Variants in ZNF655 observed in about 807,000 individuals in gnomAD.
The protein encoded by ZNF655 is Vav-interacting Kruppel-like protein 1.
A neutral mutation model predicts 6.6 loss-of-function variants in ZNF655; 3 were observed. The observed-to-expected ratio is 0.46, with a 90% CI of 0.21 to 1.18. The LOEUF (loss-of-function observed/expected upper bound fraction) is 1.18, where lower values mean the gene tolerates loss of function less well. Ranked by LOEUF, ZNF655 falls within the 50% of genes most tolerant of loss-of-function variation. The pLI, the probability that ZNF655 is intolerant of heterozygous loss-of-function variation, is 0.24. For synonymous variants in ZNF655, 178 were observed against 195.0 expected (o/e 0.91, Z 0.73); for missense variants, 526 against 572.3 (o/e 0.92, Z 0.83).
At chr7:99,562,060 C>G (rs1193534705) in intron 2 of ZNF655, 1 of 1,250,710 alleles carries the variant, frequency 8.0e-7, no homozygotes, top group East Asian at 2.9e-5. Flanking sequence ...GTAGACCTTG[C>G]CTGGAATTTT....
chr7:99,560,569 A>T lies in ZNF655; in HGVS notation c.10A>T (p.Ile4Leu), dbSNP rs1562930834. Reference sequence around the variant, plus strand: ...GTCCTCCAGAGCAGTGATGGAGGAAATACCAGCCCAGGAAGCAGCAGGGTC... The same window carrying T: ...GTCCTCCAGAGCAGTGATGGAGGAATTACCAGCCCAGGAAGCAGCAGGGTC... MEE[I>L]PAQEAAGSPR... is the part of the protein sequence containing the mutation. The change falls in exon 2 of 3, where the codon ATA becomes TTA. Residue 4 changes from isoleucine to leucine, a missense_variant. Coordinates refer to ENST00000252713, the MANE Select transcript of ZNF655 (RefSeq NM_138494.3). 1 of 1,614,076 alleles carries T rather than the reference A, an allele frequency of 6.2e-7. No homozygotes were observed. The highest frequency in any genetic ancestry group is 1.3e-5 in the African/African-American group (1 of 75,044).
intron 2 of ZNF655, chr7:99,570,581 A>G (rs1207354251): frequency 6.6e-6 from 1 of 152,216 alleles, no homozygotes; most frequent in Non-Finnish European, 1.5e-5. Flanking sequence ...AAATTAATCA[A>G]AAGAATTGCA....
chr7:99,561,207 A>G (rs1803123276), intron 2 of ZNF655, among the ~76,000 whole-genome samples: 2 of 152,234 alleles, frequency 1.3e-5, no homozygotes, highest in Non-Finnish European at 1.5e-5. Flanking sequence ...GTATGAATGT[A>G]TATATACTGT....
chr7:99,565,158 T>C (rs1803525844), intron 2 of ZNF655, among the ~76,000 whole-genome samples: 1 of 152,118 alleles, frequency 6.6e-6, no homozygotes, highest in Non-Finnish European at 1.5e-5. Flanking sequence ...AATTTAACTT[T>C]TTAGGGTTGT....
Position 99,563,149 on chromosome 7 carries a change from C to T in ZNF655, c.136+2454C>T, listed in dbSNP as rs948267778. ...TGTTTACCCCATGCTGAGGTGGGGT[C>T]AATGCTTAACTCATGTCTCTCCCTT... On this transcript the variant is annotated intron_variant, in intron 2 of 2. Coordinates refer to ENST00000252713, the MANE Select transcript of ZNF655 (RefSeq NM_138494.3). 7 of 451,796 alleles carry T rather than the reference C, an allele frequency of 1.5e-5. No homozygotes were observed. The East Asian group carries it at 5.0e-4, about 32-fold the overall frequency. 28.0% of individuals were successfully genotyped at this position (451,796 alleles called of 1,614,324 possible).
intron 2 of ZNF655, chr7:99,564,635 T>A: frequency 2.0e-6 from 2 of 984,742 alleles, no homozygotes; most frequent in Non-Finnish European, 2.4e-6. Context: ...TTGTAAACTG[T>A]AAAGTGACAT....
Position 99,573,498 on chromosome 7 carries a change from TTTGA to T in ZNF655, c.1394_1397del (p.Asp465ValfsTer14), listed in dbSNP as rs770361230. ...AGAAGTCCTCACCAGACAGAAAGCC[TTTGA>T]TTGTGATGTATGGGAAAAGAACTCC... On this transcript the variant is annotated frameshift_variant, in exon 3 of 3. Coordinates refer to ENST00000252713, the MANE Select transcript of ZNF655 (RefSeq NM_138494.3). LOFTEE classifies it high-confidence loss of function. 1 of 1,612,820 alleles carries T rather than the reference TTTGA, an allele frequency of 6.2e-7. No homozygotes were observed. The highest frequency in any genetic ancestry group is 1.3e-5 in the African/African-American group (1 of 75,050).
rs1261048555 is a variant in ZNF655, at chr7:99,572,736, A to C, written c.628A>C (p.Lys210Gln). The change falls in exon 3 of 3, where the codon AAA (lysine) becomes CAA (glutamine). Residue 210 changes from lysine (K) to glutamine (Q), a missense_variant. Transcript: ENST00000252713. ...ATGGGAGAGCATCCCTAACACTGAG[A>C]AATCCTATAAATGTGATGTATGTGG... ...NKWESIPNTE[K>Q]SYKCDVCGKI... is the part of the protein sequence containing the mutation. The C allele has an allele frequency of 6.2e-7, 1 of 1,613,130 alleles. No homozygotes were observed. The highest frequency in any genetic ancestry group is 1.7e-5 in the Admixed American group (1 of 60,002).
chr7:99,559,437 G>A (rs1802901825), intron 1 of ZNF655, among the ~76,000 whole-genome samples: 1 of 151,904 alleles, frequency 6.6e-6, no homozygotes, highest in Non-Finnish European at 1.5e-5. Flanking sequence ...GGTGGTTCAC[G>A]CCGTAATCCC....
chr7:99,562,008 C>G, intron 2 of ZNF655: 1 of 1,504,452 alleles, frequency 6.6e-7, no homozygotes, highest in Non-Finnish European at 9.0e-7. Context: ...TCCTCAGGGA[C>G]TATTGCTACT....
chr7:99,570,190 A>T (rs1275449508), intron 2 of ZNF655: 2 of 152,228 alleles, frequency 1.3e-5, no homozygotes, highest in African/African-American at 4.8e-5. Flanking sequence ...ATATCGACAG[A>T]CACTTTAAAT....
chr7:99,559,190 A>G (rs1802868662), intron 1 of ZNF655, among the ~76,000 whole-genome samples: 1 of 152,034 alleles, frequency 6.6e-6, no homozygotes, highest in African/African-American at 2.4e-5. Context: ...GGCCTGAAGG[A>G]CGCCGCTCAA....
chr7:99,573,236 A>G lies in ZNF655; in HGVS notation c.1128A>G (p.Arg376=), dbSNP rs1356789918. The change falls in exon 3 of 3, where the codon AGA becomes AGG. Residue 376 remains arginine, a synonymous_variant. Coordinates refer to ENST00000252713, the MANE Select transcript of ZNF655 (RefSeq NM_138494.3). ...AYIKQQGIHF[R]EKPYTCSECG... ...TTAAACAACAAGGAATTCATTTCAG[A>G]GAAAAGCCCTATACGTGTAGTGAAT... The G allele has an allele frequency of 1.2e-6, 2 of 1,614,196 alleles. No homozygotes were observed. Among genetic ancestry groups the G allele is most frequent in the East Asian group, 2.2e-5 (1 of 44,876 alleles).
At chr7:99,562,084 C>A in intron 2 of ZNF655, 1 of 998,706 alleles carries the variant, frequency 1.0e-6, no homozygotes, top group Non-Finnish European at 1.4e-6. Flanking sequence ...CAATAGCAGA[C>A]TCCAGTTTGG....
intron 2 of ZNF655, among the ~76,000 whole-genome samples, chr7:99,563,684 G>A (rs770525668): frequency 5.3e-5 from 8 of 151,684 alleles, no homozygotes; most frequent in Non-Finnish European, 1.2e-4. Flanking sequence ...ACTGAATCAT[G>A]CATTTTCTTT....
chr7:99,559,169 A>C (rs538027829), intron 1 of ZNF655: 1 of 152,336 alleles, frequency 6.6e-6, no homozygotes, highest in Non-Finnish European at 1.5e-5. Context: ...CGGCACCCTC[A>C]TGCGTCCTTG....
rs372184182 is a variant in ZNF655, at chr7:99,574,065, A to T, written c.*481A>T. 1.9e-4 allele frequency: 29 copies of T among 156,162 alleles called. No individual in the cohort carries two copies. In the East Asian group the frequency reaches 3.6e-3, roughly 19 times the overall value. The allele number at this position is 156,162 out of a possible 1,614,324, so 9.7% of individuals were successfully genotyped here. A position where few individuals can be genotyped will look rare whatever the true frequency, so the allele number is the denominator to read the frequency against. The stretch of plus-strand genomic sequence containing the variant: ...ACCCAACGCTCATTCAACATCAAAG[A>T]ATTTATACCTAAGAGAACTTATTTG... On this transcript the variant is annotated 3_prime_UTR_variant, in exon 3 of 3. Transcript: ENST00000252713.
chr7:99,560,486 A>G (rs1803044541), intron 1 of ZNF655, 47 bp from the exon 2 acceptor site: 1 of 1,544,064 alleles, frequency 6.5e-7, no homozygotes, highest in Non-Finnish European at 8.8e-7. Context: ...TAAAATGATG[A>G]AATGCTTTAA....
In ZNF655 at chr7:99,560,649, G is replaced by A. The variant is rs1803064149; in HGVS notation, c.90G>A (p.Glu30=). 1 of 1,614,162 alleles carries A rather than the reference G, an allele frequency of 6.2e-7. No individual in the cohort carries two copies. The highest frequency in any genetic ancestry group is 8.5e-7 in the Non-Finnish European group (1 of 1,180,024). The change falls in exon 2 of 3, where the codon GAG becomes GAA. Residue 30 remains glutamate (E), a synonymous_variant. Transcript: ENST00000252713. The part of the protein sequence containing the change: ...LETQSECLSP[E]PQFVQDTDME... ...CCCAGTCTGAGTGTCTGTCCCCAGA[G>A]CCTCAGTTTGTGCAGGACACCGACA...
Sources: gnomAD v4.1 joint callset for allele counts (sites outside exome capture counted in the v4.1 genomes callset) on GRCh38, gnomAD v4.1.1 for gene constraint, MANE v1.5 for transcripts, NCBI Gene and HGNC (gene_info 2026-07-23, HGNC 2026-07-21) for gene names.